Variants in RP1 observed in about 807,000 individuals in gnomAD.
RP1 encodes the protein oxygen-regulated protein 1.
In RP1, 16 loss-of-function variants were observed where a neutral mutation model predicts 14.8. The observed-to-expected ratio is 1.08, with a 90% CI of 0.73 to 1.65. The LOEUF is 1.65. Among genes scored for constraint, RP1 ranks in the 40% most tolerant of loss-of-function variants. The pLI, the probability that RP1 is intolerant of heterozygous loss-of-function variation, is 0.00. For synonymous variants in RP1, 876 were observed against 883.6 expected (o/e 0.99, Z 0.15); for missense variants, 2,631 against 2,535.0 (o/e 1.04, Z -0.81).
chr8:54,702,458 C>T (rs933003250), intron 14 of RP1, among the ~76,000 whole-genome samples: 1 of 152,096 alleles, frequency 6.6e-6, no homozygotes, highest in African/African-American at 2.4e-5. Context: ...AGCATTATGT[C>T]TAAAAAATGT....
chr8:54,625,215 C>A lies in RP1; in HGVS notation c.1333C>A (p.Arg445Ser). 1 of 1,614,092 alleles carries A rather than the reference C, an allele frequency of 6.2e-7. No individual in the cohort carries two copies. Residue 445 changes from arginine (R) to serine (S), a missense_variant, in exon 4 of 4, where the codon CGT (arginine) becomes AGT (serine). Physicochemically the swap from Arg to Ser is moderately radical, Grantham distance 110. Transcript: ENST00000220676. Reference sequence around the variant, plus strand: ...GGGAACTCAAGACCAAGCAAAGCATCGTTTTTATAGGCCCCCTACACCTGG... The same window carrying A: ...GGGAACTCAAGACCAAGCAAAGCATAGTTTTTATAGGCCCCCTACACCTGG... ...IQGTQDQAKH[R>S]FYRPPTPGLR...
intron 19 of RP1, among the ~76,000 whole-genome samples, chr8:54,743,912 A>G (rs1382572234): frequency 6.6e-6 from 1 of 152,130 alleles, no homozygotes; most frequent in African/African-American, 2.4e-5. Context: ...GATGCTCCCC[A>G]ATAAATGTTT....
At chr8:54,632,002 T>A (rs972087239), downstream of RP1, among the ~76,000 whole-genome samples, 3 of 152,004 alleles carry the variant, frequency 2.0e-5, no homozygotes, top group African/African-American at 7.2e-5. Flanking sequence ...CCACCACACC[T>A]GGCTAATTTT....
chr8:54,780,405 C>T (rs543507316), intron 23 of RP1, among the ~76,000 whole-genome samples: 1 of 152,324 alleles, frequency 6.6e-6, no homozygotes, highest in African/African-American at 2.4e-5. Context: ...CTCACTTCTT[C>T]CCTTAGAGTC....
intron 12 of RP1, among the ~76,000 whole-genome samples, chr8:54,693,739 A>C (rs1807779822): frequency 6.6e-6 from 1 of 152,172 alleles, no homozygotes; most frequent in Admixed American, 6.6e-5. Context: ...GGGGTTTTCT[A>C]GATATACAAT....
chr8:54,769,051 A>G (rs548707594), intron 22 of RP1, among the ~76,000 whole-genome samples: 153 of 151,894 alleles, frequency 1.0e-3, no homozygotes, highest in African/African-American at 3.4e-3. Context: ...GCCCACCACC[A>G]CGCCCAGCTA....
intron 3 of RP1, among the ~76,000 whole-genome samples, chr8:54,637,699 T>G (rs1472743500): frequency 6.6e-6 from 1 of 152,250 alleles, no homozygotes; most frequent in Non-Finnish European, 1.5e-5. Flanking sequence ...TATAATTTTT[T>G]TTATTAAATT....
chr8:54,756,568 C>G (rs1325865659), intron 21 of RP1, among the ~76,000 whole-genome samples: 1 of 152,128 alleles, frequency 6.6e-6, no homozygotes, highest in African/African-American at 2.4e-5. Flanking sequence ...TTGAGTGAGT[C>G]AAAAGCAAAA....
At chr8:54,595,173 A>G (rs1480177145) in intron 1 of RP1, among the ~76,000 whole-genome samples, 1 of 148,912 alleles carries the variant, frequency 6.7e-6, no homozygotes, top group Non-Finnish European at 1.5e-5. Flanking sequence ...TCTGTTGCCC[A>G]GGGTGGAGTG....
intron 1 of RP1, among the ~76,000 whole-genome samples, chr8:54,603,115 GC>G (rs1805333933): frequency 2.6e-5 from 4 of 152,164 alleles, no homozygotes; most frequent in Admixed American, 2.0e-4. Flanking sequence ...GCTTGCCCAT[GC>G]CTATGTCCTG....
chr8:54,676,725 CAATAT>C (rs889011314), intron 8 of RP1, among the ~76,000 whole-genome samples: 1 of 152,078 alleles, frequency 6.6e-6, no homozygotes, highest in African/African-American at 2.4e-5. Flanking sequence ...AAAATGTAGG[CAATAT>C]ATTTTTACGT....
chr8:54,821,732 G>A (rs189075627), intron 24 of RP1, among the ~76,000 whole-genome samples: 13 of 152,120 alleles, frequency 8.5e-5, no homozygotes, highest in South Asian at 4.2e-4. Flanking sequence ...AATTGTCACC[G>A]CTAAGTACCC....
At chr8:54,680,324 T>G (rs1563345772) in intron 12 of RP1, among the ~76,000 whole-genome samples, 1 of 152,108 alleles carries the variant, frequency 6.6e-6, no homozygotes, top group African/African-American at 2.4e-5. Flanking sequence ...TCATAATAAA[T>G]GTACAAAGGA....
At chr8:54,635,571 T>C (rs1255869293), downstream of RP1, among the ~76,000 whole-genome samples, 1 of 152,194 alleles carries the variant, frequency 6.6e-6, no homozygotes, top group South Asian at 2.1e-4. Context: ...TATAAGTTTA[T>C]TTAATGTAGT....
chr8:54,842,394 GA>G (rs1271170448), intron 25 of RP1, among the ~76,000 whole-genome samples: 4 of 152,164 alleles, frequency 2.6e-5, no homozygotes, highest in Non-Finnish European at 5.9e-5. Flanking sequence ...TGAGAGCAAA[GA>G]AGGGCTCTGA....
At chr8:54,801,265 T>G (rs113465369) in intron 24 of RP1, among the ~76,000 whole-genome samples, 1 of 152,196 alleles carries the variant, frequency 6.6e-6, no homozygotes, top group African/African-American at 2.4e-5. Flanking sequence ...TTATTTTTCC[T>G]CAACACGTGT....
rs187744077 is a variant in RP1, at chr8:54,817,780, G to A, written c.3616-19670G>A. On this transcript the variant is annotated intron_variant, in intron 24 of 28. Coordinates refer to the RP1 transcript ENST00000637698. Reference sequence around the variant, plus strand: ...GTTAATTTTACTGATGTTCACACATGTATGATGTACATAAAATAAAATATT... The same window carrying A: ...GTTAATTTTACTGATGTTCACACATATATGATGTACATAAAATAAAATATT... Among the ~76,000 whole-genome samples the A allele has an allele frequency of 1.8e-3, 277 of 152,132 alleles. 4 individuals are homozygous for A. The highest frequency in any genetic ancestry group is 6.4e-3 in the African/African-American group (265 of 41,506).
intron 1 of RP1, among the ~76,000 whole-genome samples, chr8:54,601,137 C>T (rs1156682813): frequency 6.6e-6 from 1 of 152,098 alleles, no homozygotes; most frequent in Non-Finnish European, 1.5e-5. Context: ...CTTACATGAC[C>T]TACAAGTAAC....
intron 3 of RP1, among the ~76,000 whole-genome samples, chr8:54,640,123 T>A (rs1341992820): frequency 6.6e-6 from 1 of 152,066 alleles, no homozygotes; most frequent in African/African-American, 2.4e-5. Context: ...TTTTTTTTTT[T>A]TTAAATATAC....
Sources: gnomAD v4.1 joint callset for allele counts (sites outside exome capture counted in the v4.1 genomes callset) on GRCh38, gnomAD v4.1.1 for gene constraint, MANE v1.5 for transcripts, NCBI Gene and HGNC (gene_info 2026-07-23, HGNC 2026-07-21) for gene names.